The following RPL23 variants were observed in gnomAD, a reference collection of about 807,000 sequenced individuals.
RPL23 encodes large ribosomal subunit protein uL14.
For synonymous variants in RPL23, 63 were observed against 65.3 expected, an observed-to-expected ratio of 0.97 and a Z score of 0.17; for missense variants, 79 against 178.8, an observed-to-expected ratio of 0.44 and a Z score of 3.18.
chr17:38,852,125 G>A (rs866919631), intron 3 of RPL23: 20 of 156,886 alleles, frequency 1.3e-4, no homozygotes, highest in South Asian at 5.4e-4. Context: ...GGGAGGCTGA[G>A]GCAGGACAAT....
chr17:38,853,387 G>A (rs1913062408), intron 1 of RPL23: 1 of 709,228 alleles, frequency 1.4e-6, no homozygotes, highest in Non-Finnish European at 2.6e-6. Flanking sequence ...CTCCTGCAAG[G>A]CATAAAACCG....
intron 3 of RPL23, chr17:38,851,796 T>TA (rs1413839779): frequency 6.6e-6 from 1 of 152,178 alleles, no homozygotes; most frequent in African/African-American, 2.4e-5. Flanking sequence ...GATACAGGAA[T>TA]AGGAGTAACT....
Position 38,850,081 on chromosome 17 carries a change from T to G in RPL23, c.*51A>C, listed in dbSNP as rs769521057. On this transcript the variant is annotated 3_prime_UTR_variant, in exon 5 of 5. Coordinates refer to ENST00000479035, the MANE Select transcript of RPL23 (RefSeq NM_000978.4). ...GGAGACAAGCACTGCAAACAAATACTTTTTAATGGGTTTAGTTTTTTTTTT... is the reference window on the plus strand; with the variant it reads ...GGAGACAAGCACTGCAAACAAATACGTTTTAATGGGTTTAGTTTTTTTTTT... 74 of 1,399,710 alleles carry G rather than the reference T, an allele frequency of 5.3e-5. No individual in the cohort carries two copies. The highest frequency in any genetic ancestry group is 6.4e-5 in the Non-Finnish European group (66 of 1,024,336). 86.7% of individuals were successfully genotyped at this position (1,399,710 alleles called of 1,614,324 possible). A position where few individuals can be genotyped will look rare whatever the true frequency, so the allele number is the denominator to read the frequency against.
In RPL23 at chr17:38,848,105, A is replaced by C. The variant is rs1171090503; in HGVS notation, c.*2027T>G. Reference sequence around the variant, plus strand: ...CAAAAACAGCAGCGATTAGTGGTTAATATATAAGGATCATATATTGCCATA... The same window carrying C: ...CAAAAACAGCAGCGATTAGTGGTTACTATATAAGGATCATATATTGCCATA... On this transcript the variant is annotated 3_prime_UTR_variant, in exon 5 of 5. Transcript: ENST00000479035. The C allele has an allele frequency of 1.1e-5, 17 of 1,501,110 alleles. No homozygotes were observed. Among genetic ancestry groups the C allele is most frequent in the Middle Eastern group, 2.3e-4 (1 of 4,440 alleles). The allele number at this position is 1,501,110 out of a possible 1,614,324, so 93.0% of individuals were successfully genotyped here.
At chr17:38,850,660 A>G (rs1912975299) in intron 3 of RPL23, 185 bp from the exon 4 acceptor site, 2 of 501,566 alleles carry the variant, frequency 4.0e-6, no homozygotes, top group South Asian at 2.6e-5. Context: ...GCACACTACC[A>G]TGCCCAGATT....
chr17:38,853,713 T>G lies in RPL23; in HGVS notation c.-3A>C. ...AAAACCTCACCTCGCTTCGACATCT[T>G]GAACGCCGGAAAAAAGAAAAAAGGA... On this transcript the variant is annotated 5_prime_UTR_variant, in exon 1 of 5. Transcript: ENST00000479035. 6.2e-7 allele frequency: 1 copy of G among 1,614,072 alleles called. No individual in the cohort carries two copies. The highest frequency in any genetic ancestry group is 8.5e-7 in the Non-Finnish European group (1 of 1,180,022).
chr17:38,852,899 T>C (rs1048987185), intron 2 of RPL23, 123 bp downstream of exon 2: 2 of 1,352,520 alleles, frequency 1.5e-6, no homozygotes, highest in South Asian at 1.2e-5. Context: ...ACAACACATG[T>C]TGCCACTTCA....
At chr17:38,852,775 T>A in intron 2 of RPL23, 43 bp from the exon 3 acceptor site, 1 of 1,613,508 alleles carries the variant, frequency 6.2e-7, no homozygotes, top group Non-Finnish European at 8.5e-7. Context: ...TTGAGGGCCA[T>A]CAGGCCGTTC....
rs1204250189 is a variant in RPL23, at chr17:38,848,115, A to C, written c.*2017T>G. On this transcript the variant is annotated 3_prime_UTR_variant, in exon 5 of 5. Transcript: ENST00000479035. ...AGCGATTAGTGGTTAATATATAAGG[A>C]TCATATATTGCCATAATATATAAAG... 6.8e-7 allele frequency: 1 copy of C among 1,460,256 alleles called. No individual in the cohort carries two copies. The highest frequency in any genetic ancestry group is 1.4e-5 in the South Asian group (1 of 72,686). The allele number at this position is 1,460,256 out of a possible 1,614,324, so 90.5% of individuals were successfully genotyped here. A position where few individuals can be genotyped will look rare whatever the true frequency, so the allele number is the denominator to read the frequency against.
At chr17:38,852,808 C>G in intron 2 of RPL23, 76 bp from the exon 3 acceptor site, 1 of 1,603,682 alleles carries the variant, frequency 6.2e-7, no homozygotes, top group Non-Finnish European at 8.5e-7. Context: ...ATTTCCCAAA[C>G]ACTTCCAAAG....
rs1912911809 is a variant in RPL23 at position 38,848,235 on chromosome 17, ATTTAAT to A, written c.*1891_*1896del. On this transcript the variant is annotated 3_prime_UTR_variant, in exon 5 of 5. Transcript: ENST00000479035. ...ATGGTGTAACTCTCTAAAACTAGAG[ATTTAAT>A]ACATTTTTTTTCTTTCCCCCCAGAG... 1.4e-6 allele frequency: 1 copy of A among 705,148 alleles called. No homozygotes were observed. The highest frequency in any genetic ancestry group is 1.9e-5 in the African/African-American group (1 of 54,002). 43.7% of individuals were successfully genotyped at this position (705,148 alleles called of 1,614,324 possible).
At chr17:38,853,186 T>G in intron 1 of RPL23, 81 bp from the exon 2 acceptor site, 1 of 1,055,164 alleles carries the variant, frequency 9.5e-7, no homozygotes, top group East Asian at 2.4e-5. Flanking sequence ...ATACTCAAGC[T>G]GTAATTCACC....
At position 38,848,038 on chromosome 17, in the gene RPL23, GC is replaced by G; in HGVS notation, c.*2093del. On this transcript the variant is annotated 3_prime_UTR_variant, in exon 5 of 5. Coordinates refer to ENST00000479035, the MANE Select transcript of RPL23 (RefSeq NM_000978.4). ...GCTTCAGTGGTGTTACTGCACTCCAGCCTGTGTGACAGAGCAAGACTGCCTC... is the reference window on the plus strand; with the variant it reads ...GCTTCAGTGGTGTTACTGCACTCCAGCTGTGTGACAGAGCAAGACTGCCTC... 1 of 1,548,084 alleles carries G rather than the reference GC, an allele frequency of 6.5e-7. No homozygotes were observed. The highest frequency in any genetic ancestry group is 8.7e-7 in the Non-Finnish European group (1 of 1,146,258).
At position 38,850,120 on chromosome 17, in the gene RPL23, T is replaced by A; in HGVS notation, c.*12A>T. On this transcript the variant is annotated 3_prime_UTR_variant, in exon 5 of 5. Coordinates refer to ENST00000479035, the MANE Select transcript of RPL23 (RefSeq NM_000978.4). ...AGTTTTTTTTTTTATTTTTTACAAA[T>A]ATACTGGAGAATCATGCAATGCTGC... The A allele has an allele frequency of 6.4e-7, 1 of 1,562,658 alleles. No homozygotes were observed. Among genetic ancestry groups the A allele is most frequent in the Non-Finnish European group, 8.7e-7 (1 of 1,154,636 alleles).
chr17:38,850,747 G>T, intron 3 of RPL23: 1 of 347,468 alleles, frequency 2.9e-6, no homozygotes, highest in Non-Finnish European at 5.3e-6. Flanking sequence ...AGTATAGGGA[G>T]TAAAGGCATG....
At chr17:38,851,202 A>G (rs1912992807) in intron 3 of RPL23, 1 of 152,242 alleles carries the variant, frequency 6.6e-6, no homozygotes, top group African/African-American at 2.4e-5. Flanking sequence ...ATCTTCACTG[A>G]TACTAGCATG....
chr17:38,851,586 A>C (rs1913004414), intron 3 of RPL23: 3 of 152,234 alleles, frequency 2.0e-5, no homozygotes, highest in African/African-American at 7.2e-5. Flanking sequence ...TACAAAGTGA[A>C]GGCCATTTGC....
rs528054891 is a variant in RPL23 at position 38,853,652 on chromosome 17, C to G, written c.13+46G>C. On this transcript the variant is annotated intron_variant, in intron 1 of 4. Transcript: ENST00000479035. Reference sequence around the variant, plus strand: ...CACCGCTCCTGACGAATCCGCCAGCCACTGCACGACAGATGGTGGAGGATC... The same window carrying G: ...CACCGCTCCTGACGAATCCGCCAGCGACTGCACGACAGATGGTGGAGGATC... The G allele has an allele frequency of 3.1e-6, 5 of 1,613,416 alleles. No individual in the cohort carries two copies. The African/African-American group carries it at 5.3e-5, about 17-fold the overall frequency.
In RPL23 at chr17:38,849,330, TCTTAA is replaced by T. The variant is rs1181176372; in HGVS notation, c.*797_*801del. 6.6e-6 allele frequency: 1 copy of T among 150,908 alleles called. No homozygotes were observed. The highest frequency in any genetic ancestry group is 1.5e-5 in the Non-Finnish European group (1 of 67,854). The allele number at this position is 150,908 out of a possible 1,614,324, so 9.3% of individuals were successfully genotyped here. On this transcript the variant is annotated 3_prime_UTR_variant, in exon 5 of 5. Coordinates refer to ENST00000479035, the MANE Select transcript of RPL23 (RefSeq NM_000978.4). ...GTCCAGGATCTAACTATATAGTCTA[TCTTAA>T]CTTCAATGCCTTTTTTTGGGGCGGG...
Sources: gnomAD v4.1 joint callset for allele counts on GRCh38, gnomAD v4.1.1 for gene constraint, MANE v1.5 for transcripts, NCBI Gene and HGNC (gene_info 2026-07-23, HGNC 2026-07-21) for gene names.